NAAA: variants seen among roughly 807,000 people sequenced by gnomAD.
NAAA encodes the protein N-acylethanolamine acid amidase.
In NAAA, 39 loss-of-function variants were observed where a neutral mutation model predicts 44.8. That is an observed-to-expected ratio of 0.87 (90% CI 0.67 to 1.14). The LOEUF (loss-of-function observed/expected upper bound fraction) is 1.14, where lower values mean the gene tolerates loss of function less well. Ranked by LOEUF, NAAA falls within the 50% of genes most tolerant of loss-of-function variation. The pLI is 0.00. For synonymous variants in NAAA, 178 were observed against 191.3 expected (o/e 0.93, Z 0.58); for missense variants, 460 against 467.8 (o/e 0.98, Z 0.15).
chr4:75,939,414 AT>A (rs377331355), intron 2 of NAAA, among the ~76,000 whole-genome samples: 2,131 of 137,250 alleles, frequency 0.016, 39 homozygotes, highest in African/African-American at 0.047. Flanking sequence ...TTTGAGCAGA[AT>A]TTTTTTTTTT....
chr4:75,925,158 C>T (rs570111112), intron 5 of NAAA, among the ~76,000 whole-genome samples: 12 of 152,240 alleles, frequency 7.9e-5, no homozygotes, highest in Non-Finnish European at 1.8e-4. Context: ...GCCTTAGCCT[C>T]GCGAGTAGCT....
intron 1 of NAAA, 142 bp downstream of exon 1, chr4:75,940,602 G>T: frequency 1.0e-6 from 1 of 968,424 alleles, no homozygotes; most frequent in Non-Finnish European, 1.5e-6. Flanking sequence ...CCCGGACGCT[G>T]CTCAGGGCGG....
rs199640267 is a variant in NAAA, at chr4:75,921,029, G to C, written c.761C>G (p.Ser254Cys). ...CGTGATGACCACCCCCTCCCGGGGG[G>C]ACGTGCCACCAACAATGTAATAAAC... ...ADVYYIVGGT[S>C]PREGVVITRN... The change falls in exon 6 of 11, where the codon TCC becomes TGC. Residue 254 changes from serine to cysteine, a missense_variant. Ser to Cys is a moderately radical substitution (Grantham distance 112). Transcript: ENST00000286733. The C allele has an allele frequency of 3.7e-6, 6 of 1,608,424 alleles. No homozygotes were observed. The highest frequency in any genetic ancestry group is 1.7e-5 in the Admixed American group (1 of 57,838).
intron 2 of NAAA, among the ~76,000 whole-genome samples, chr4:75,939,566 C>G (rs1469884813): frequency 1.3e-5 from 2 of 151,964 alleles, no homozygotes; most frequent in Non-Finnish European, 2.9e-5. Flanking sequence ...CAGGCGCCCA[C>G]CACCACGCCT....
At position 75,931,255 on chromosome 4, in the gene NAAA, C is replaced by T; in HGVS notation, c.548G>A (p.Gly183Asp). Residue 183 changes from glycine (G) to aspartate (D), a missense_variant, in exon 4 of 11, where the codon GGC (glycine) becomes GAC (aspartate). Transcript: ENST00000286733. ...AACTGTAAACTTGTGTGGGCTCTGG[C>T]CAGTCCATAATCCTACATAGCCAAT... ...TFIGYVGLWT[G>D]QSPHKFTVSG... 6.2e-7 allele frequency: 1 copy of T among 1,612,938 alleles called. No individual in the cohort carries two copies. The highest frequency in any genetic ancestry group is 8.5e-7 in the Non-Finnish European group (1 of 1,179,112).
At chr4:75,911,979 C>T (rs1725344212), downstream of NAAA, among the ~76,000 whole-genome samples, 1 of 152,084 alleles carries the variant, frequency 6.6e-6, no homozygotes, top group African/African-American at 2.4e-5. Context: ...TGGTCTGTGC[C>T]CAGGAACGAG....
At chr4:75,918,628 G>A in intron 9 of NAAA, 133 bp downstream of exon 9, 1 of 797,358 alleles carries the variant, frequency 1.3e-6, no homozygotes, top group Non-Finnish European at 2.1e-6. Context: ...TGTACCCACA[G>A]GAGTGCCCCC....
chr4:75,920,685 ATT>A, intron 7 of NAAA, 51 bp downstream of exon 7: 1 of 1,605,214 alleles, frequency 6.2e-7, no homozygotes, highest in Non-Finnish European at 8.5e-7. Context: ...GAATGGGCAT[ATT>A]CTCCTGACCA....
intron 9 of NAAA, chr4:75,917,883 C>A: frequency 1.1e-5 from 3 of 281,652 alleles, no homozygotes; most frequent in East Asian, 1.1e-4. Context: ...AGGGTACAGG[C>A]TAAAAAAGAA....
intron 4 of NAAA, among the ~76,000 whole-genome samples, chr4:75,926,757 C>T (rs1194809771): frequency 6.6e-6 from 1 of 151,956 alleles, no homozygotes; most frequent in Non-Finnish European, 1.5e-5. Flanking sequence ...GTAATCCCAA[C>T]ACTTTGGGAG....
At chr4:75,916,325 G>A (rs1725623052) in intron 9 of NAAA, 1 of 152,108 alleles carries the variant, frequency 6.6e-6, no homozygotes, top group Non-Finnish European at 1.5e-5. Context: ...CATGTAAAGG[G>A]CCTGAGAGTC....
intron 2 of NAAA, 41 bp downstream of exon 2, chr4:75,939,960 C>A: frequency 1.9e-6 from 3 of 1,607,454 alleles, no homozygotes; most frequent in Non-Finnish European, 2.6e-6. Context: ...CGGGGGCCCC[C>A]GCAAGCCCCG....
intron 2 of NAAA, 42 bp from the exon 3 acceptor site, chr4:75,936,277 T>G: frequency 6.4e-7 from 1 of 1,566,398 alleles, no homozygotes; most frequent in Non-Finnish European, 8.6e-7. Context: ...ATAAGACAAA[T>G]AAGAAAAAAA....
chr4:75,915,609 G>A (rs1176634029), intron 9 of NAAA, among the ~76,000 whole-genome samples: 3 of 152,182 alleles, frequency 2.0e-5, no homozygotes, highest in African/African-American at 7.2e-5. Context: ...GGGCTGTTCA[G>A]GCTGAGAATT....
intron 5 of NAAA, among the ~76,000 whole-genome samples, chr4:75,924,609 G>T (rs936977141): frequency 1.3e-5 from 2 of 152,180 alleles, no homozygotes; most frequent in Non-Finnish European, 2.9e-5. Flanking sequence ...TAATGTGTTT[G>T]CTTTGCTAGT....
chr4:75,925,731 T>C lies in NAAA; in HGVS notation c.666+4A>G, dbSNP rs1228344477. 13 of 1,614,088 alleles carry C rather than the reference T, an allele frequency of 8.1e-6. No homozygotes were observed. In the South Asian group the frequency reaches 1.1e-4, roughly 14 times the overall value. ...AAGGAGGGCTCCACATTAAATATAC[T>C]CACAGCGCGGATCAGCCAGCTGACG... On this transcript the variant is annotated splice_donor_region_variant and intron_variant, in intron 5 of 10. Transcript: ENST00000286733.
intron 3 of NAAA, 93 bp from the exon 4 acceptor site, chr4:75,931,397 C>T: frequency 1.1e-6 from 1 of 901,120 alleles, no homozygotes; most frequent in Non-Finnish European, 1.7e-6. Context: ...GATTTTTTTT[C>T]TTATAAATTC....
chr4:75,927,794 A>T (rs7670697), intron 4 of NAAA, among the ~76,000 whole-genome samples: 44,042 of 151,380 alleles, frequency 0.29, 6,572 homozygotes, highest in South Asian at 0.42. Context: ...CTCAAAACAA[A>T]CAAAAAAAAA....
chr4:75,936,081 T>A, intron 3 of NAAA, 28 bp downstream of exon 3: 2 of 1,612,276 alleles, frequency 1.2e-6, no homozygotes, highest in Non-Finnish European at 8.5e-7. Context: ...TCTTTCTGAT[T>A]TTTTATCTTA....
Sources: gnomAD v4.1 joint callset for allele counts (sites outside exome capture counted in the v4.1 genomes callset) on GRCh38, gnomAD v4.1.1 for gene constraint, MANE v1.5 for transcripts, NCBI Gene and HGNC (gene_info 2026-07-23, HGNC 2026-07-21) for gene names.